HSF4: variants seen among roughly 807,000 people sequenced by gnomAD.
HSF4 encodes heat shock factor protein 4.
Under a neutral mutation model 52.0 loss-of-function variants are expected in HSF4, and 41 were observed. That is an observed-to-expected ratio of 0.79 (90% CI 0.61 to 1.02). The LOEUF (loss-of-function observed/expected upper bound fraction) is 1.02. Ranked by LOEUF, HSF4 falls within the 50% of genes least tolerant of loss-of-function variation. HSF4 has a pLI of 0.00. For synonymous variants in HSF4, 285 were observed against 273.0 expected (o/e 1.04, Z -0.43); for missense variants, 610 against 651.1 (o/e 0.94, Z 0.69).
rs767623317 is a variant in HSF4 at position 67,164,940 on chromosome 16, G to A, written c.123+6G>A. The A allele has an allele frequency of 6.2e-7, 1 of 1,601,036 alleles. No individual in the cohort carries two copies. The highest frequency in any genetic ancestry group is 8.5e-7 in the Non-Finnish European group (1 of 1,176,644). On this transcript the variant is annotated splice_donor_region_variant and intron_variant, in intron 1 of 12. Coordinates refer to ENST00000521374, the MANE Select transcript of HSF4 (RefSeq NM_001374675.1). Reference sequence around the variant, plus strand: ...ACCTGATCCGCTGGAGCCCGGTGAGGGCCGGGGCCCCTCGATTCCCCCTGT... The same window carrying A: ...ACCTGATCCGCTGGAGCCCGGTGAGAGCCGGGGCCCCTCGATTCCCCCTGT...
chr16:67,166,438 A>T (rs753317849), intron 5 of HSF4, 43 bp downstream of exon 5: 1 of 1,592,154 alleles, frequency 6.3e-7, no homozygotes, highest in South Asian at 1.1e-5. Flanking sequence ...CCACTCCTCG[A>T]CACCCCATTC....
In HSF4 at chr16:67,166,328, A is replaced by T; in HGVS notation, c.494A>T (p.Glu165Val). ...ARLRELRQQN[E>V]ILWREVVTLR... ...TCCCACCCCTTCCTCAGGCAGAACG[A>T]GATCTTGTGGCGGGAGGTGGTGACA... The change falls in exon 5 of 13, where the codon GAG becomes GTG. Residue 165 changes from glutamate to valine, a missense_variant. Glu to Val is a moderately radical substitution (Grantham distance 121). Transcript: ENST00000521374. The T allele has an allele frequency of 6.2e-7, 1 of 1,612,728 alleles. No homozygotes were observed. The highest frequency in any genetic ancestry group is 8.5e-7 in the Non-Finnish European group (1 of 1,179,410).
intron 1 of HSF4, 50 bp downstream of exon 1, chr16:67,164,984 C>T (rs776303552): frequency 5.9e-6 from 9 of 1,530,274 alleles, no homozygotes; most frequent in African/African-American, 4.1e-5. Flanking sequence ...GGTCCCTCCA[C>T]GTCAGTGAAC....
Position 67,164,768 on chromosome 16 carries a change from C to A in HSF4, c.-44C>A. ...GCACTTTCCGCGGCTTTGACGAGCC[C>A]GCAGCGGCCGGGCCCGAGCGCAGAG... On this transcript the variant is annotated 5_prime_UTR_variant, in exon 1 of 13. Transcript: ENST00000521374. 2 of 1,560,230 alleles carry A rather than the reference C, an allele frequency of 1.3e-6. No homozygotes were observed. The highest frequency in any genetic ancestry group is 1.4e-5 in the African/African-American group (1 of 71,734).
rs1209297888 is a variant in HSF4 at position 67,166,079 on chromosome 16, G to A, written c.485+9G>A. 2 of 1,531,370 alleles carry A rather than the reference G, an allele frequency of 1.3e-6. No homozygotes were observed. The highest frequency in any genetic ancestry group is 2.4e-5 in the East Asian group (1 of 40,850). The allele number at this position is 1,531,370 out of a possible 1,614,324, so 94.9% of individuals were successfully genotyped here. A position where few individuals can be genotyped will look rare whatever the true frequency, so the allele number is the denominator to read the frequency against. ...CTGCGGGAGCTCAGGCAGTGCGGGG[G>A]CGGGCGGGGAAAGAGGGGACAGGGG... On this transcript the variant is annotated intron_variant, in intron 4 of 12. Coordinates refer to ENST00000521374, the MANE Select transcript of HSF4 (RefSeq NM_001374675.1).
At position 67,164,821 on chromosome 16, in the gene HSF4, G is replaced by C. The variant is rs764622858; in HGVS notation, c.10G>C (p.Ala4Pro). MQE[A>P]PAALPTEPGP... The stretch of plus-strand genomic sequence containing the variant: ...GGGCCGAGACTGCACCATGCAGGAA[G>C]CGCCAGCTGCGCTGCCCACGGAGCC... Residue 4 changes from alanine to proline, a missense_variant, in exon 1 of 13, where the codon GCG (alanine) becomes CCG (proline). Coordinates refer to ENST00000521374, the MANE Select transcript of HSF4 (RefSeq NM_001374675.1). 6.2e-7 allele frequency: 1 copy of C among 1,600,428 alleles called. No individual in the cohort carries two copies. The highest frequency in any genetic ancestry group is 8.5e-7 in the Non-Finnish European group (1 of 1,178,322).
At chr16:67,166,098 A>T in intron 4 of HSF4, 28 bp downstream of exon 4, 1 of 1,320,190 alleles carries the variant, frequency 7.6e-7, no homozygotes, top group Non-Finnish European at 1.0e-6. Flanking sequence ...GAAAGAGGGG[A>T]CAGGGGTGGG....
At position 67,165,600 on chromosome 16, in the gene HSF4, A is replaced by G. The variant is rs765336722; in HGVS notation, c.202A>G (p.Met68Val). 1.2e-6 allele frequency: 2 copies of G among 1,613,156 alleles called. No individual in the cohort carries two copies. Among genetic ancestry groups the G allele is most frequent in the Non-Finnish European group, 8.5e-7 (1 of 1,179,884 alleles). Residue 68 changes from methionine (M) to valine (V), a missense_variant, in exon 2 of 13, where the codon ATG becomes GTG. By Grantham distance (21) the Met-to-Val change is conservative. Coordinates refer to ENST00000521374, the MANE Select transcript of HSF4 (RefSeq NM_001374675.1). This position sits in a 1 kb window ranked among gnomAD's most constrained non-coding sequence, Gnocchi z 6.9. ...VLPQYFKHSNMASFVRQLNMY... is the reference protein window; with the variant it reads ...VLPQYFKHSNVASFVRQLNMY... ...GCCCCAGTATTTCAAGCATAGCAAC[A>G]TGGCGAGCTTCGTGCGCCAACTCAA...
rs2031362665 is a variant in HSF4 at position 67,167,102 on chromosome 16, C to T, written c.627-18C>T. On this transcript the variant is annotated intron_variant, in intron 6 of 12. Transcript: ENST00000521374. ...TGACCCTGCCCCACCCCTGCCTGTG[C>T]CCTGATCGACCACACAGGTCCCTGA... The T allele has an allele frequency of 6.2e-7, 1 of 1,613,922 alleles. No individual in the cohort carries two copies. The highest frequency in any genetic ancestry group is 1.3e-5 in the African/African-American group (1 of 74,922).
Position 67,169,712 on chromosome 16 carries a change from C to T in HSF4, c.1406C>T (p.Ala469Val), listed in dbSNP as rs780378302. 1 of 1,612,938 alleles carries T rather than the reference C, an allele frequency of 6.2e-7. No homozygotes were observed. Among genetic ancestry groups the T allele is most frequent in the Admixed American group, 1.7e-5 (1 of 60,008 alleles). Residue 469 changes from alanine (A) to valine (V), a missense_variant, in exon 13 of 13, where the codon GCT becomes GTT. Coordinates refer to ENST00000521374, the MANE Select transcript of HSF4 (RefSeq NM_001374675.1). The surrounding 1 kb of genome is among the most constrained non-coding windows in gnomAD (Gnocchi z 4.3). ...GGCCCAGCCCTGGGCCTGCCTGGGG[C>T]TTTAACCATTTATAGCACTCCTGAG... ...LGGPALGLPG[A>V]LTIYSTPESR...
Position 67,167,742 on chromosome 16 carries a change from A to G in HSF4, c.877A>G (p.Lys293Glu). ...GRREKGLALLKEEPASPGGDG... is the reference protein window; with the variant it reads ...GRREKGLALLEEEPASPGGDG... ...CAGGGAGAAGGGCCTGGCACTGCTC[A>G]AAGAAGAGCCGGCCAGTCCAGGGGG... Residue 293 changes from lysine to glutamate, a missense_variant, in exon 9 of 13, where the codon AAA becomes GAA. Physicochemically the swap from Lys to Glu is moderately conservative, Grantham distance 56. Coordinates refer to ENST00000521374, the MANE Select transcript of HSF4 (RefSeq NM_001374675.1). The G allele has an allele frequency of 6.2e-7, 1 of 1,607,808 alleles. No homozygotes were observed. Among genetic ancestry groups the G allele is most frequent in the Non-Finnish European group, 8.5e-7 (1 of 1,177,560 alleles).
At chr16:67,167,010 A>AC in intron 6 of HSF4, 110 bp from the exon 7 acceptor site, 1 of 1,474,270 alleles carries the variant, frequency 6.8e-7, no homozygotes, top group Middle Eastern at 2.0e-4. Context: ...AACAGGCCTC[A>AC]GCTCTGCTGA....
chr16:67,165,790 CAGCACCCG>C lies in HSF4; in HGVS notation c.308_315del (p.His103LeufsTer110). 6.2e-7 allele frequency: 1 copy of C among 1,609,782 alleles called. No individual in the cohort carries two copies. The highest frequency in any genetic ancestry group is 1.1e-5 in the South Asian group (1 of 91,040). On this transcript the variant is annotated frameshift_variant, in exon 3 of 13. Coordinates refer to ENST00000521374, the MANE Select transcript of HSF4 (RefSeq NM_001374675.1). LOFTEE classifies it high-confidence loss of function. This position sits in a 1 kb window ranked among gnomAD's most constrained non-coding sequence, Gnocchi z 6.9. Reference sequence around the variant, plus strand: ...GCCGGAGCGCGACCACGTCGAGTTCCAGCACCCGAGCTTCGTGCGCGGCCGCGAGCAGC... The same window carrying C: ...GCCGGAGCGCGACCACGTCGAGTTCCAGCTTCGTGCGCGGCCGCGAGCAGC...
rs777720209 is a variant in HSF4, at chr16:67,169,339, C to T, written c.1315C>T (p.Pro439Ser). The T allele has an allele frequency of 3.0e-5, 49 of 1,613,236 alleles. No homozygotes were observed. The East Asian group carries it at 1.0e-3, about 33-fold the overall frequency. ...GCTGGCGGTCAAGGGGTTAAATTCTCCAAGCCCAGGTAATGGTTGTGATGA... is the reference window on the plus strand; with the variant it reads ...GCTGGCGGTCAAGGGGTTAAATTCTTCAAGCCCAGGTAATGGTTGTGATGA... ...PELAVKGLNS[P>S]SPGKDPTLGA... The change falls in exon 12 of 13, where the codon CCA (proline) becomes TCA (serine). Residue 439 changes from proline to serine, a missense_variant. Pro to Ser is a moderately conservative substitution (Grantham distance 74). Coordinates refer to ENST00000521374, the MANE Select transcript of HSF4 (RefSeq NM_001374675.1). The surrounding 1 kb of genome is among the most constrained non-coding windows in gnomAD (Gnocchi z 4.3).
upstream of HSF4, chr16:67,164,058 T>C: frequency 4.2e-6 from 3 of 709,438 alleles, no homozygotes; most frequent in South Asian, 1.5e-5. Flanking sequence ...TGCCCCCCTC[T>C]CTTGCCTCCA....
Position 67,169,929 on chromosome 16 carries a change from T to G in HSF4, c.*144T>G. 2.7e-6 allele frequency: 2 copies of G among 748,986 alleles called. No homozygotes were observed. Among genetic ancestry groups the G allele is most frequent in the Non-Finnish European group, 4.4e-6 (2 of 457,318 alleles). The allele number at this position is 748,986 out of a possible 1,614,324, so 46.4% of individuals were successfully genotyped here. ...ACCCCGACTATCCCTGCACATAAACTCCGTTTTTTTTTTTTCTGTTTCTGG... is the reference window on the plus strand; with the variant it reads ...ACCCCGACTATCCCTGCACATAAACGCCGTTTTTTTTTTTTCTGTTTCTGG... On this transcript the variant is annotated 3_prime_UTR_variant, in exon 13 of 13. Transcript: ENST00000521374. The surrounding 1 kb of genome is among the most constrained non-coding windows in gnomAD (Gnocchi z 4.3).
At position 67,167,139 on chromosome 16, in the gene HSF4, G is replaced by A. The variant is rs751592051; in HGVS notation, c.646G>A (p.Gly216Arg). The A allele has an allele frequency of 1.9e-6, 3 of 1,614,036 alleles. No individual in the cohort carries two copies. Among genetic ancestry groups the A allele is most frequent in the African/African-American group, 1.3e-5 (1 of 74,922 alleles). The change falls in exon 7 of 13, where the codon GGG (glycine) becomes AGG (arginine). Residue 216 changes from glycine to arginine, a missense_variant. By Grantham distance (125) the Gly-to-Arg change is moderately radical. Coordinates refer to ENST00000521374, the MANE Select transcript of HSF4 (RefSeq NM_001374675.1). The stretch of plus-strand genomic sequence containing the variant: ...ACACAGGTCCCTGATGCTGGATGAG[G>A]GGAGCTCATGCCCAACACCTGCCAA... ...KRKLSLMLDEGSSCPTPAKFN... is the reference protein window; with the variant it reads ...KRKLSLMLDERSSCPTPAKFN...
chr16:67,166,685 A>G, intron 6 of HSF4, 63 bp downstream of exon 6: 1 of 1,463,398 alleles, frequency 6.8e-7, no homozygotes, highest in South Asian at 1.1e-5. Flanking sequence ...TCCCCTTGCA[A>G]GGACCCCTTC....
chr16:67,168,302 C>T (rs1276573292), intron 9 of HSF4, among the ~76,000 whole-genome samples: 3 of 152,020 alleles, frequency 2.0e-5, no homozygotes, highest in African/African-American at 7.3e-5. Flanking sequence ...TGAAACCCCC[C>T]GCCTCTGCTA....
Sources: gnomAD v4.1 joint callset for allele counts (sites outside exome capture counted in the v4.1 genomes callset) on GRCh38, gnomAD v4.1.1 for gene constraint, Gnocchi (gnomAD v3.1) non-coding constraint, MANE v1.5 for transcripts, NCBI Gene and HGNC (gene_info 2026-07-23, HGNC 2026-07-21) for gene names.